The following WBP1L variants were observed in gnomAD, a reference collection of about 807,000 sequenced individuals.
WBP1L encodes WW domain binding protein 1 like, also known as WW domain binding protein 1-like.
A neutral mutation model predicts 33.7 loss-of-function variants in WBP1L; 17 were observed. That is an observed-to-expected ratio of 0.50 (90% CI 0.34 to 0.76). The LOEUF (loss-of-function observed/expected upper bound fraction) is 0.76, where lower values mean the gene tolerates loss of function less well. Ranked by LOEUF, WBP1L falls within the 30% of genes least tolerant of loss-of-function variation. The pLI, the probability that WBP1L is intolerant of heterozygous loss-of-function variation, is 0.01. For synonymous variants in WBP1L, 173 were observed against 190.8 expected, an observed-to-expected ratio of 0.91 and a Z score of 0.77; for missense variants, 389 against 469.4, an observed-to-expected ratio of 0.83 and a Z score of 1.58.
intron 1 of WBP1L, among the ~76,000 whole-genome samples, chr10:102,775,150 C>G (rs499770): frequency 0.54 from 77,800 of 145,410 alleles, 21,876 homozygotes; most frequent in Non-Finnish European, 0.62. Flanking sequence ...AAGTAACTTT[C>G]GATTTATAAA....
chr10:102,812,335 C>A (rs1377630951), intron 3 of WBP1L, among the ~76,000 whole-genome samples: 1 of 152,152 alleles, frequency 6.6e-6, no homozygotes. Flanking sequence ...TCCCAACAGG[C>A]GTGAAGTCCT....
At position 102,744,135 on chromosome 10, in the gene WBP1L, C is replaced by T. The variant is rs1170755396; in HGVS notation, c.82C>T (p.Pro28Ser). ...LPSPLSARAE[P>S]PQDKEACVGT... ...CAGCCCCTTGTCAGCCAGGGCTGAA[C>T]CCCCGCAGGTAAGGGGGAGGGGGCG... The change falls in exon 1 of 4, where the codon CCC (proline) becomes TCC (serine). Residue 28 changes from proline to serine, a missense_variant. By Grantham distance (74) the Pro-to-Ser change is moderately conservative. Transcript: ENST00000448841. 1.3e-6 allele frequency: 2 copies of T among 1,550,482 alleles called. No homozygotes were observed. The highest frequency in any genetic ancestry group is 1.7e-6 in the Non-Finnish European group (2 of 1,146,722).
chr10:102,811,762 C>T lies in WBP1L; in HGVS notation c.356-833C>T, dbSNP rs560817139. Among the ~76,000 whole-genome samples the T allele has an allele frequency of 5.9e-5, 9 of 152,310 alleles. No individual in the cohort carries two copies. The South Asian group carries it at 1.2e-3, about 21-fold the overall frequency. Reference sequence around the variant, plus strand: ...CTGAGCTCAAGTGATCTGCCCGCCTCGGCTTCCCACAGTGCTGAGATTACA... The same window carrying T: ...CTGAGCTCAAGTGATCTGCCCGCCTTGGCTTCCCACAGTGCTGAGATTACA... On this transcript the variant is annotated intron_variant, in intron 3 of 3. Transcript: ENST00000448841.
At chr10:102,753,678 G>A (rs1464815051) in intron 1 of WBP1L, among the ~76,000 whole-genome samples, 3 of 152,060 alleles carry the variant, frequency 2.0e-5, no homozygotes. Flanking sequence ...TTTTTCTTCT[G>A]CTCCTGGTGC....
intron 2 of WBP1L, among the ~76,000 whole-genome samples, chr10:102,803,627 C>T (rs549977166): frequency 6.9e-6 from 1 of 145,622 alleles, no homozygotes; most frequent in East Asian, 2.0e-4. Context: ...TTTTTGGAGG[C>T]AGGGTCTTGC....
chr10:102,776,936 G>C (rs956443778), intron 1 of WBP1L, among the ~76,000 whole-genome samples: 1 of 152,010 alleles, frequency 6.6e-6, no homozygotes, highest in African/African-American at 2.4e-5. Flanking sequence ...GGACGTTCCC[G>C]ACGCCTCAGG....
intron 1 of WBP1L, among the ~76,000 whole-genome samples, chr10:102,771,491 G>C (rs910297952): frequency 1.1e-4 from 16 of 151,940 alleles, no homozygotes; most frequent in Admixed American, 2.0e-4. Flanking sequence ...AACATAGGAA[G>C]CCCTCATCTA....
At chr10:102,810,814 G>T (rs560032440) in intron 3 of WBP1L, among the ~76,000 whole-genome samples, 1 of 151,330 alleles carries the variant, frequency 6.6e-6, no homozygotes, top group Non-Finnish European at 1.5e-5. Flanking sequence ...TGATCTGCTC[G>T]TCTCGGCCTC....
At chr10:102,801,737 GTT>G (rs1348049798) in intron 2 of WBP1L, among the ~76,000 whole-genome samples, 21 of 152,152 alleles carry the variant, frequency 1.4e-4, no homozygotes, top group African/African-American at 5.1e-4. Context: ...AGAGGGGTAT[GTT>G]TCTGGACAGT....
intron 1 of WBP1L, among the ~76,000 whole-genome samples, chr10:102,762,619 C>A (rs1351481595): frequency 7.2e-5 from 11 of 152,188 alleles, no homozygotes; most frequent in Non-Finnish European, 1.5e-4. Context: ...CATTTCCAAC[C>A]TTTGCTTAGT....
intron 2 of WBP1L, among the ~76,000 whole-genome samples, chr10:102,809,299 A>G (rs1843790521): frequency 6.6e-6 from 1 of 151,684 alleles, no homozygotes; most frequent in African/African-American, 2.4e-5. Flanking sequence ...GCTGGTCTTG[A>G]ACTCCTGACC....
At chr10:102,801,743 G>A (rs1277665387) in intron 2 of WBP1L, among the ~76,000 whole-genome samples, 21 of 152,094 alleles carry the variant, frequency 1.4e-4, no homozygotes, top group African/African-American at 5.1e-4. Flanking sequence ...GTATGTTTCT[G>A]GACAGTGGAA....
chr10:102,786,138 A>G (rs1326383103), intron 1 of WBP1L, among the ~76,000 whole-genome samples: 1 of 152,238 alleles, frequency 6.6e-6, no homozygotes, highest in Admixed American at 6.5e-5. Context: ...ATGTAGTTGC[A>G]GTGCAGCTTT....
At chr10:102,784,574 C>A (rs868120077) in intron 1 of WBP1L, among the ~76,000 whole-genome samples, 1 of 151,630 alleles carries the variant, frequency 6.6e-6, no homozygotes, top group African/African-American at 2.4e-5. Flanking sequence ...TACAGGCGCC[C>A]GCCACCACAC....
At chr10:102,782,783 G>C (rs1349848320) in intron 1 of WBP1L, among the ~76,000 whole-genome samples, 2 of 152,184 alleles carry the variant, frequency 1.3e-5, no homozygotes, top group Non-Finnish European at 2.9e-5. Flanking sequence ...CAGGGAAGGA[G>C]ACTTGGCTTT....
At chr10:102,755,146 A>G (rs946399725) in intron 1 of WBP1L, among the ~76,000 whole-genome samples, 3 of 151,758 alleles carry the variant, frequency 2.0e-5, no homozygotes, top group Non-Finnish European at 2.9e-5. Flanking sequence ...GACGGGTTTC[A>G]CCATGTTGGC....
At position 102,774,210 on chromosome 10, in the gene WBP1L, G is replaced by A. The variant is rs568236986; in HGVS notation, c.91-23783G>A. 2.6e-5 allele frequency among the ~76,000 whole-genome samples: 4 copies of A among 152,154 alleles called. No homozygotes were observed. The South Asian group carries it at 8.3e-4, about 32-fold the overall frequency. On this transcript the variant is annotated intron_variant, in intron 1 of 3. Coordinates refer to ENST00000448841, the MANE Select transcript of WBP1L (RefSeq NM_001083913.2). ...GGAACCGAGGAAGTGAAAGGAAGGG[G>A]TTGAAAGCAGCCTCATTGCTGTTCC...
intron 1 of WBP1L, among the ~76,000 whole-genome samples, chr10:102,781,954 A>T (rs922357795): frequency 6.6e-6 from 1 of 151,792 alleles, no homozygotes; most frequent in Admixed American, 6.6e-5. Context: ...GCTTACTACA[A>T]CTTCTGCCTC....
intron 1 of WBP1L, among the ~76,000 whole-genome samples, chr10:102,788,715 C>T (rs955695356): frequency 7.9e-5 from 12 of 152,126 alleles, no homozygotes; most frequent in African/African-American, 1.4e-4. Flanking sequence ...ACTTTGGTCT[C>T]CTTTCTAGAA....
Sources: allele counts gnomAD v4.1 joint callset (sites outside exome capture counted in the v4.1 genomes callset), GRCh38; gene constraint gnomAD v4.1.1; transcripts MANE v1.5; gene names NCBI Gene and HGNC (gene_info 2026-07-23, HGNC 2026-07-21).